PRKAR2A: variants seen among roughly 807,000 people sequenced by gnomAD.
PRKAR2A encodes the protein cAMP-dependent protein kinase type II-alpha regulatory subunit.
Under a neutral mutation model 51.9 loss-of-function variants are expected in PRKAR2A, and 29 were observed. The ratio of observed to expected loss-of-function variants is 0.56; its 90% CI spans 0.42 to 0.76. The LOEUF (loss-of-function observed/expected upper bound fraction) is 0.76. PRKAR2A is among the 30% of genes least tolerant of loss of function. The pLI, the probability that PRKAR2A is intolerant of heterozygous loss-of-function variation, is 0.00. For missense variants in PRKAR2A, 445 were observed against 512.1 expected (o/e 0.87, Z 1.26); for synonymous variants, 178 against 186.2 (o/e 0.96, Z 0.36).
At chr3:48,794,080 T>A in intron 2 of PRKAR2A, 31 bp from the exon 3 acceptor site, 1 of 1,525,278 alleles carries the variant, frequency 6.6e-7, no homozygotes, top group Non-Finnish European at 9.0e-7. Context: ...ACAAAAAGAA[T>A]GAATTTAACA....
intron 5 of PRKAR2A, among the ~76,000 whole-genome samples, chr3:48,780,726 CAAG>C (rs1301004214): frequency 6.6e-6 from 1 of 150,680 alleles, no homozygotes; most frequent in Admixed American, 6.6e-5. Context: ...AGAAAAGGCT[CAAG>C]AAGAAAGGCA....
At chr3:48,844,229 T>C (rs2083424628) in intron 1 of PRKAR2A, among the ~76,000 whole-genome samples, 1 of 151,898 alleles carries the variant, frequency 6.6e-6, no homozygotes, top group Admixed American at 6.6e-5. Flanking sequence ...AAAAGACAAA[T>C]GAAAAAATGC....
At chr3:48,779,307 T>A (rs892650858) in intron 5 of PRKAR2A, among the ~76,000 whole-genome samples, 1 of 152,094 alleles carries the variant, frequency 6.6e-6, no homozygotes. Flanking sequence ...TTTGTTTACA[T>A]ATGAAATAAA....
chr3:48,828,164 C>A (rs139079617), intron 1 of PRKAR2A, among the ~76,000 whole-genome samples: 3 of 152,258 alleles, frequency 2.0e-5, no homozygotes, highest in Non-Finnish European at 4.4e-5. Flanking sequence ...ACGCACATGG[C>A]CCAACTTTAA....
intron 1 of PRKAR2A, among the ~76,000 whole-genome samples, chr3:48,835,448 T>C (rs1389987414): frequency 6.6e-6 from 1 of 151,922 alleles, no homozygotes; most frequent in Non-Finnish European, 1.5e-5. Context: ...GAGGCCATCC[T>C]GGCTAACACG....
At chr3:48,809,821 G>A (rs1559634320) in intron 1 of PRKAR2A, among the ~76,000 whole-genome samples, 1 of 151,958 alleles carries the variant, frequency 6.6e-6, no homozygotes, top group East Asian at 1.9e-4. Flanking sequence ...ATCTGGTCTG[G>A]CCATGACAAG....
intron 5 of PRKAR2A, among the ~76,000 whole-genome samples, chr3:48,774,375 T>A (rs2082074557): frequency 6.6e-6 from 1 of 152,040 alleles, no homozygotes; most frequent in Admixed American, 6.6e-5. Flanking sequence ...TATAAAACAT[T>A]AGAACTTGCC....
At position 48,756,487 on chromosome 3, in the gene PRKAR2A, GA is replaced by G. The variant is rs752448944; in HGVS notation, c.874-44del. 398 of 1,437,636 alleles carry G rather than the reference GA, an allele frequency of 2.8e-4. 1 individual carries two copies. Among genetic ancestry groups the G allele is most frequent in the Admixed American group, 1.3e-3 (77 of 58,572 alleles). The allele number at this position is 1,437,636 out of a possible 1,614,324, so 89.1% of individuals were successfully genotyped here. On this transcript the variant is annotated intron_variant, in intron 8 of 10. Coordinates refer to ENST00000265563, the MANE Select transcript of PRKAR2A (RefSeq NM_004157.4). ...TCAGGTCAGAGCCATAAGTAGTATT[GA>G]AGGGGAATAAAGAAATAGATTGCTT... is the stretch of plus-strand genomic sequence containing the variant.
At chr3:48,765,118 A>C (rs369345597) in intron 7 of PRKAR2A, 40 bp from the exon 8 acceptor site, 4 of 1,594,432 alleles carry the variant, frequency 2.5e-6, no homozygotes, top group Non-Finnish European at 3.4e-6. Context: ...AAAGACCTTA[A>C]TTGAAAGTCA....
chr3:48,839,906 G>C (rs974417293), intron 1 of PRKAR2A, among the ~76,000 whole-genome samples: 2 of 152,056 alleles, frequency 1.3e-5, no homozygotes, highest in African/African-American at 4.8e-5. Context: ...ACCATTTTAA[G>C]TGTACAATTC....
At chr3:48,837,217 T>C (rs1217980729) in intron 1 of PRKAR2A, among the ~76,000 whole-genome samples, 1 of 151,948 alleles carries the variant, frequency 6.6e-6, no homozygotes, top group Non-Finnish European at 1.5e-5. Context: ...CCAGCTATGG[T>C]GGCATGAGCC....
At chr3:48,772,517 A>G (rs1295190230) in intron 6 of PRKAR2A, among the ~76,000 whole-genome samples, 1 of 151,960 alleles carries the variant, frequency 6.6e-6, no homozygotes, top group Non-Finnish European at 1.5e-5. Flanking sequence ...CCCATTATTT[A>G]TTATTCCCCT....
Position 48,769,102 on chromosome 3 carries a change from A to AAAC in PRKAR2A, c.697-3756_697-3754dup, listed in dbSNP as rs1205157858. Reference sequence around the variant, plus strand: ...ATGACAGAGCAAGAGTCCATCTCAAAAACAACAACAACAACAACAGATTTC... The same window carrying AAAC: ...ATGACAGAGCAAGAGTCCATCTCAAAAACAACAACAACAACAACAACAGATTTC... On this transcript the variant is annotated intron_variant, in intron 6 of 10. Transcript: ENST00000265563. Among the ~76,000 whole-genome samples the AAAC allele has an allele frequency of 3.5e-4, 53 of 151,886 alleles. 1 individual carries two copies. The highest frequency in any genetic ancestry group is 1.5e-3 in the South Asian group (7 of 4,798).
At chr3:48,789,347 A>G (rs1022488419) in intron 4 of PRKAR2A, among the ~76,000 whole-genome samples, 1 of 152,152 alleles carries the variant, frequency 6.6e-6, no homozygotes, top group African/African-American at 2.4e-5. Context: ...CCACCCACAA[A>G]TGTAATGCCT....
At chr3:48,790,687 A>C (rs2082368664) in intron 3 of PRKAR2A, 60 bp from the exon 4 acceptor site, 1 of 1,072,100 alleles carries the variant, frequency 9.3e-7, no homozygotes, top group African/African-American at 1.6e-5. Context: ...AACCACTTAA[A>C]GATTGGTATA....
chr3:48,837,646 C>T (rs1312387673), intron 1 of PRKAR2A, among the ~76,000 whole-genome samples: 1 of 152,156 alleles, frequency 6.6e-6, no homozygotes, highest in Non-Finnish European at 1.5e-5. Context: ...ATATTCGTAG[C>T]AGCATTATTC....
downstream of PRKAR2A, chr3:48,744,858 A>C: frequency 6.6e-6 from 1 of 152,182 alleles, no homozygotes; most frequent in Non-Finnish European, 1.5e-5. Flanking sequence ...TTATGTAAAT[A>C]ATATTGAGTG....
intron 6 of PRKAR2A, 81 bp downstream of exon 6, chr3:48,772,874 G>A (rs978263834): frequency 7.8e-6 from 11 of 1,401,964 alleles, no homozygotes; most frequent in Middle Eastern, 1.8e-4. Context: ...AAGATATAGT[G>A]TAAATCAACA....
chr3:48,797,874 G>A lies in PRKAR2A; in HGVS notation c.299-3825C>T, dbSNP rs545465897. 7.9e-5 allele frequency among the ~76,000 whole-genome samples: 12 copies of A among 152,274 alleles called. No individual in the cohort carries two copies. In the South Asian group the frequency reaches 2.3e-3, roughly 29 times the overall value. ...TTTCTCCAAGCATTTTTGTTTCCAGGAGATGAGGCCAGGGTGCATTATCTC... is the reference window on the plus strand; with the variant it reads ...TTTCTCCAAGCATTTTTGTTTCCAGAAGATGAGGCCAGGGTGCATTATCTC... On this transcript the variant is annotated intron_variant, in intron 2 of 10. Coordinates refer to ENST00000265563, the MANE Select transcript of PRKAR2A (RefSeq NM_004157.4).
Sources: allele counts gnomAD v4.1 joint callset (sites outside exome capture counted in the v4.1 genomes callset), GRCh38; gene constraint gnomAD v4.1.1; transcripts MANE v1.5; gene names NCBI Gene and HGNC (gene_info 2026-07-23, HGNC 2026-07-21).